Variants in CIITA observed in about 807,000 individuals in gnomAD.
CIITA encodes the protein MHC class II transactivator.
A neutral mutation model predicts 115.1 loss-of-function variants in CIITA; 72 were observed. The ratio of observed to expected loss-of-function variants is 0.63; its 90% CI spans 0.52 to 0.76. The LOEUF (loss-of-function observed/expected upper bound fraction) is 0.76, where lower values mean the gene tolerates loss of function less well. CIITA is among the 30% of genes least tolerant of loss of function. CIITA has a pLI of 0.00. For synonymous variants in CIITA, 763 were observed against 635.6 expected, an observed-to-expected ratio of 1.20 and a Z score of -3.02; for missense variants, 1,617 against 1,463.8, an observed-to-expected ratio of 1.10 and a Z score of -1.71.
At chr16:10,884,165 C>G (rs2036699950) in intron 1 of CIITA, among the ~76,000 whole-genome samples, 2 of 152,178 alleles carry the variant, frequency 1.3e-5, no homozygotes, top group African/African-American at 4.8e-5. Flanking sequence ...TAACCTGCCT[C>G]CAACTGCTGA....
At position 10,906,880 on chromosome 16, in the gene CIITA, A is replaced by G. The variant is rs543395226; in HGVS notation, c.1388A>G (p.Tyr463Cys). The change falls in exon 11 of 20, where the codon TAT (tyrosine) becomes TGT (cysteine). Residue 463 changes from tyrosine to cysteine, a missense_variant. Tyr to Cys is a radical substitution (Grantham distance 194, BLOSUM62 -2). Transcript: ENST00000324288. ...TGCTTGAACCGTCCGGGGGATGCCT[A>G]TGGCCTGCAGGATCTGCTCTTCTCC... ...CHCLNRPGDA[Y>C]GLQDLLFSLG... 4 of 1,613,428 alleles carry G rather than the reference A, an allele frequency of 2.5e-6. No homozygotes were observed. The highest frequency in any genetic ancestry group is 3.3e-5 in the Admixed American group (2 of 60,016).
In CIITA at chr16:10,894,578, T is replaced by C. The variant is rs955015090; in HGVS notation, c.53-704T>C. Among the ~76,000 whole-genome samples, 7 of 152,214 alleles carry C rather than the reference T, an allele frequency of 4.6e-5. No homozygotes were observed. The East Asian group carries it at 1.3e-3, about 29-fold the overall frequency. Reference sequence around the variant, plus strand: ...GTCAGGATATTTGAGGTATCCACATTTGGGATTGTTTAAAGATTAAATGAA... The same window carrying C: ...GTCAGGATATTTGAGGTATCCACATCTGGGATTGTTTAAAGATTAAATGAA... On this transcript the variant is annotated intron_variant, in intron 1 of 19. Coordinates refer to ENST00000324288, the MANE Select transcript of CIITA (RefSeq NM_000246.4).
At chr16:10,915,529 G>A (rs753645463) in intron 13 of CIITA, 41 bp from the exon 14 acceptor site, 4 of 1,512,322 alleles carry the variant, frequency 2.6e-6, no homozygotes, top group South Asian at 2.2e-5. Flanking sequence ...GAGGGGCTGT[G>A]ACTGTGACTG....
chr16:10,887,316 A>G (rs2037055815), intron 1 of CIITA, among the ~76,000 whole-genome samples: 1 of 152,116 alleles, frequency 6.6e-6, no homozygotes, highest in South Asian at 2.1e-4. Context: ...AAAAAGACTC[A>G]ATTGAAGGGG....
At chr16:10,871,811 G>T (rs1013592383) in intron 1 of CIITA, among the ~76,000 whole-genome samples, 5 of 152,182 alleles carry the variant, frequency 3.3e-5, no homozygotes, top group Non-Finnish European at 2.9e-5. Flanking sequence ...ATCTTGGACT[G>T]CTTCTCTGGC....
Position 10,924,182 on chromosome 16 carries a change from C to T in CIITA, c.*327C>T, listed in dbSNP as rs2040429049. Reference sequence around the variant, plus strand: ...GCCACGGCCAGGCCAGAGGGAGTGACAGAGGCAGCCCCATTCTGCCTGCCC... The same window carrying T: ...GCCACGGCCAGGCCAGAGGGAGTGATAGAGGCAGCCCCATTCTGCCTGCCC... On this transcript the variant is annotated 3_prime_UTR_variant, in exon 20 of 20. Coordinates refer to ENST00000324288, the MANE Select transcript of CIITA (RefSeq NM_000246.4). 1 of 152,298 alleles carries T rather than the reference C, an allele frequency of 6.6e-6. No homozygotes were observed. The highest frequency in any genetic ancestry group is 1.5e-5 in the Non-Finnish European group (1 of 68,118). The allele number at this position is 152,298 out of a possible 1,614,324, so 9.4% of individuals were successfully genotyped here.
chr16:10,905,812 G>A (rs1242341188), intron 10 of CIITA, among the ~76,000 whole-genome samples: 1 of 151,988 alleles, frequency 6.6e-6, no homozygotes, highest in Non-Finnish European at 1.5e-5. Flanking sequence ...TTAAACAAGA[G>A]AGACGATGAG....
At chr16:10,897,681 C>A (rs888530277) in intron 3 of CIITA, among the ~76,000 whole-genome samples, 1 of 152,150 alleles carries the variant, frequency 6.6e-6, no homozygotes, top group South Asian at 2.1e-4. Flanking sequence ...CCCACCATCA[C>A]GGGATGGTTG....
intron 7 of CIITA, among the ~76,000 whole-genome samples, chr16:10,902,421 A>G (rs2038845025): frequency 6.6e-6 from 1 of 152,096 alleles, no homozygotes; most frequent in African/African-American, 2.4e-5. Context: ...AATCTCCACC[A>G]ATTAGAGCAT....
At chr16:10,880,214 A>G (rs2036280433) in intron 1 of CIITA, among the ~76,000 whole-genome samples, 1 of 152,114 alleles carries the variant, frequency 6.6e-6, no homozygotes, top group African/African-American at 2.4e-5. Context: ...GGGGAATCCC[A>G]GGCTCCCCAC....
chr16:10,873,956 GTTGTTGTGTT>G (rs1172958890), upstream of CIITA, among the ~76,000 whole-genome samples: 5 of 152,052 alleles, frequency 3.3e-5, no homozygotes, highest in Non-Finnish European at 5.9e-5. Context: ...TGTTGTTGCT[GTTGTTGTGTT>G]TTGTTGTGTT....
At chr16:10,871,335 T>G (rs1439202644) in intron 1 of CIITA, among the ~76,000 whole-genome samples, 1 of 152,192 alleles carries the variant, frequency 6.6e-6, no homozygotes, top group African/African-American at 2.4e-5. Flanking sequence ...CAACCTCAGC[T>G]GGCCTTGGGT....
chr16:10,867,204 A>G (rs1465468743), intron 1 of CIITA, among the ~76,000 whole-genome samples: 2 of 151,956 alleles, frequency 1.3e-5, no homozygotes, highest in African/African-American at 4.8e-5. Context: ...AGATCACGCT[A>G]CTGCACTCCA....
At chr16:10,895,609 T>C in intron 2 of CIITA, 60 bp from the exon 3 acceptor site, 2 of 1,603,560 alleles carry the variant, frequency 1.2e-6, no homozygotes, top group South Asian at 1.1e-5. Flanking sequence ...CTCTCCCTCG[T>C]TCCCCACCAG....
chr16:10,922,003 G>C (rs931099438), intron 16 of CIITA, among the ~76,000 whole-genome samples, 164 bp from the exon 17 acceptor site: 1 of 152,222 alleles, frequency 6.6e-6, no homozygotes, highest in Non-Finnish European at 1.5e-5. Context: ...AATGGCCTAT[G>C]TAAGTACTTG....
chr16:10,876,656 G>C (rs1193165791), upstream of CIITA, among the ~76,000 whole-genome samples: 1 of 152,172 alleles, frequency 6.6e-6, no homozygotes, highest in East Asian at 1.9e-4. Context: ...GACTACAAGG[G>C]TACCATATTT....
At chr16:10,910,301 T>A in intron 13 of CIITA, 42 bp downstream of exon 13, 1 of 1,538,958 alleles carries the variant, frequency 6.5e-7, no homozygotes, top group Non-Finnish European at 9.0e-7. Context: ...TGCGCAAGGT[T>A]TCCCCTGCAG....
upstream of CIITA, chr16:10,877,087 GAAACAGAA>G: frequency 1.6e-6 from 1 of 606,482 alleles, no homozygotes; most frequent in Non-Finnish European, 2.9e-6. Context: ...AGGGTGTTCA[GAAACAGAA>G]ATCTGACCGC....
chr16:10,899,083 A>C, intron 5 of CIITA, 81 bp downstream of exon 5: 1 of 1,388,378 alleles, frequency 7.2e-7, no homozygotes, highest in South Asian at 1.2e-5. Flanking sequence ...CTGTGGGTCC[A>C]ACTTGCTTCC....
Sources: gnomAD v4.1 joint callset for allele counts (sites outside exome capture counted in the v4.1 genomes callset) on GRCh38, gnomAD v4.1.1 for gene constraint, MANE v1.5 for transcripts, NCBI Gene and HGNC (gene_info 2026-07-23, HGNC 2026-07-21) for gene names.